Variants in GRID2 observed in about 807,000 individuals in gnomAD.
The protein encoded by GRID2 is glutamate receptor ionotropic, delta-2.
In GRID2, 33 loss-of-function variants were observed where a neutral mutation model predicts 114.8. That is an observed-to-expected ratio of 0.29 (90% confidence interval 0.22 to 0.38). The LOEUF is 0.38. Ranked by LOEUF, GRID2 falls within the 10% of genes least tolerant of loss-of-function variation. The probability of loss-of-function intolerance (pLI) is 1.00; values close to 1 mark genes in which losing one functional copy is unlikely to be tolerated. For synonymous variants in GRID2, 505 were observed against 449.9 expected (o/e 1.12, Z -1.55); for missense variants, 1,184 against 1,257.7 (o/e 0.94, Z 0.89).
At chr4:92,845,145 G>C (rs2149414924) in intron 2 of GRID2, among the ~76,000 whole-genome samples, 2 of 152,216 alleles carry the variant, frequency 1.3e-5, no homozygotes, top group Middle Eastern at 6.8e-3. Context: ...AGGTCTTGAA[G>C]ACTCCCAGGG....
chr4:93,732,637 T>C (rs1416925433), intron 14 of GRID2, among the ~76,000 whole-genome samples: 1 of 152,156 alleles, frequency 6.6e-6, no homozygotes. Context: ...TGAGGCTCTT[T>C]TATGTTGTTC....
chr4:93,329,367 T>C (rs1758193718), intron 8 of GRID2, among the ~76,000 whole-genome samples: 1 of 152,146 alleles, frequency 6.6e-6, no homozygotes, highest in Admixed American at 6.6e-5. Context: ...CTCCCTTCAT[T>C]GCATGCTGGC....
chr4:93,631,100 C>A (rs560073156), intron 14 of GRID2, among the ~76,000 whole-genome samples: 1 of 152,276 alleles, frequency 6.6e-6, no homozygotes, highest in Non-Finnish European at 1.5e-5. Flanking sequence ...AGCTGAGACT[C>A]AAACCCAGAG....
intron 1 of GRID2, among the ~76,000 whole-genome samples, chr4:92,518,450 A>T (rs889923616): frequency 2.0e-5 from 3 of 151,938 alleles, no homozygotes; most frequent in Non-Finnish European, 4.4e-5. Context: ...TTTAAAAATG[A>T]GAAAGACAAA....
chr4:92,633,499 A>C (rs1730914223), intron 2 of GRID2, among the ~76,000 whole-genome samples: 1 of 152,118 alleles, frequency 6.6e-6, no homozygotes, highest in Non-Finnish European at 1.5e-5. Flanking sequence ...AACTACATAT[A>C]ACGAATTCCT....
chr4:92,860,261 A>C (rs1312126758), intron 2 of GRID2, among the ~76,000 whole-genome samples: 1 of 152,140 alleles, frequency 6.6e-6, no homozygotes, highest in Non-Finnish European at 1.5e-5. Flanking sequence ...GTGTCCACCT[A>C]ACAATTTTGC....
chr4:93,380,282 T>A (rs976079191), intron 8 of GRID2, among the ~76,000 whole-genome samples: 2 of 151,828 alleles, frequency 1.3e-5, no homozygotes, highest in Non-Finnish European at 2.9e-5. Flanking sequence ...CAGCCACAGG[T>A]CAAAGAATGC....
chr4:92,383,015 G>A (rs576186460), intron 1 of GRID2, among the ~76,000 whole-genome samples: 1 of 152,076 alleles, frequency 6.6e-6, no homozygotes, highest in South Asian at 2.1e-4. Context: ...ACTCATGGAG[G>A]AAGATGGAGG....
chr4:93,195,673 A>G (rs1235989131), intron 4 of GRID2, among the ~76,000 whole-genome samples: 1 of 152,160 alleles, frequency 6.6e-6, no homozygotes, highest in Non-Finnish European at 1.5e-5. Context: ...AAAAAGAATG[A>G]GGGTCAGCTT....
intron 13 of GRID2, among the ~76,000 whole-genome samples, chr4:93,604,709 A>C (rs915241986): frequency 4.6e-5 from 7 of 152,244 alleles, no homozygotes; most frequent in Non-Finnish European, 1.0e-4. Context: ...TCCAAGCTTC[A>C]GCAGTTACCA....
chr4:93,212,717 G>A (rs1244492935), intron 5 of GRID2, among the ~76,000 whole-genome samples: 1 of 151,402 alleles, frequency 6.6e-6, no homozygotes, highest in Non-Finnish European at 1.5e-5. Context: ...ATTATTCTCT[G>A]TTAATCACTG....
chr4:92,372,770 A>G (rs1431921684), intron 1 of GRID2, among the ~76,000 whole-genome samples: 1 of 152,098 alleles, frequency 6.6e-6, no homozygotes, highest in East Asian at 1.9e-4. Flanking sequence ...TTTATATGAT[A>G]GTTACTATGC....
chr4:93,230,942 A>G (rs561778033), intron 7 of GRID2, among the ~76,000 whole-genome samples: 1 of 152,232 alleles, frequency 6.6e-6, no homozygotes, highest in East Asian at 1.9e-4. Flanking sequence ...CATGTAGTAT[A>G]ATTTAATTTG....
intron 1 of GRID2, among the ~76,000 whole-genome samples, chr4:92,552,136 A>G (rs1013811828): frequency 4.6e-5 from 7 of 152,090 alleles, no homozygotes; most frequent in African/African-American, 1.7e-4. Context: ...CAGAGTTAGC[A>G]GTACTTCGGT....
chr4:92,630,193 T>G (rs2149245384), intron 2 of GRID2, among the ~76,000 whole-genome samples: 1 of 152,246 alleles, frequency 6.6e-6, no homozygotes, highest in Non-Finnish European at 1.5e-5. Flanking sequence ...AGCCGTTATC[T>G]ACTGCTCTGA....
intron 4 of GRID2, among the ~76,000 whole-genome samples, chr4:93,196,351 G>A (rs994756757): frequency 2.6e-5 from 4 of 152,050 alleles, no homozygotes; most frequent in East Asian, 1.9e-4. Context: ...TTAGGAAGAC[G>A]GACATGGAAA....
intron 14 of GRID2, among the ~76,000 whole-genome samples, chr4:93,726,051 T>C (rs1578668846): frequency 2.0e-5 from 3 of 152,244 alleles, no homozygotes; most frequent in Admixed American, 6.5e-5. Flanking sequence ...AGATATGAAG[T>C]CCTTGCCCAT....
At chr4:92,588,373 A>G (rs879209967) in intron 1 of GRID2, among the ~76,000 whole-genome samples, 1 of 152,046 alleles carries the variant, frequency 6.6e-6, no homozygotes, top group Non-Finnish European at 1.5e-5. Context: ...TACTCAATTT[A>G]TATGTCAATT....
At chr4:93,483,659 T>A (rs996870731) in intron 11 of GRID2, among the ~76,000 whole-genome samples, 3 of 152,026 alleles carry the variant, frequency 2.0e-5, no homozygotes, top group Non-Finnish European at 4.4e-5. Flanking sequence ...ACAACTTTTT[T>A]AAGTAAGCTA....
Sources: allele counts gnomAD v4.1 joint callset (sites outside exome capture counted in the v4.1 genomes callset), GRCh38; gene constraint gnomAD v4.1.1; transcripts MANE v1.5; gene names NCBI Gene and HGNC (gene_info 2026-07-23, HGNC 2026-07-21).